Variants in STK40 observed in about 807,000 individuals in gnomAD.
STK40 encodes serine/threonine-protein kinase 40.
In STK40, 13 loss-of-function variants were observed where a neutral mutation model predicts 47.9. The ratio of observed to expected loss-of-function variants is 0.27; its 90% CI spans 0.18 to 0.43. The LOEUF (loss-of-function observed/expected upper bound fraction) is 0.43, where lower values mean the gene tolerates loss of function less well. Among genes scored for constraint, STK40 ranks in the 20% least tolerant of loss-of-function variants. The probability of loss-of-function intolerance (pLI) is 1.00; values close to 1 mark genes in which losing one functional copy is unlikely to be tolerated. For synonymous variants in STK40, 225 were observed against 243.2 expected, an observed-to-expected ratio of 0.93 and a Z score of 0.69; for missense variants, 460 against 595.1, an observed-to-expected ratio of 0.77 and a Z score of 2.36.
intron 4 of STK40, among the ~76,000 whole-genome samples, chr1:36,357,980 A>C (rs939540559): frequency 6.6e-6 from 1 of 152,204 alleles, no homozygotes; most frequent in Non-Finnish European, 1.5e-5. Context: ...CTCTTCAAAG[A>C]AAGCCTGGCT....
chr1:36,368,287 T>A (rs185795296), intron 1 of STK40, among the ~76,000 whole-genome samples: 2,281 of 151,338 alleles, frequency 0.015, 62 homozygotes, highest in African/African-American at 0.053. Context: ...ATATATATTT[T>A]TTTTCGAGAC....
At chr1:36,361,128 T>A in intron 2 of STK40, 93 bp downstream of exon 2, 1 of 1,487,040 alleles carries the variant, frequency 6.7e-7, no homozygotes, top group Middle Eastern at 1.9e-4. Context: ...GTGGGCCACC[T>A]CACTCTGATG....
chr1:36,354,765 G>GC (rs1646787640), intron 5 of STK40, among the ~76,000 whole-genome samples: 1 of 152,114 alleles, frequency 6.6e-6, no homozygotes, highest in African/African-American at 2.4e-5. Flanking sequence ...AGCTGTCATG[G>GC]CTTTGTGACT....
chr1:36,377,000 T>C (rs2124751668), intron 1 of STK40, among the ~76,000 whole-genome samples: 1 of 151,874 alleles, frequency 6.6e-6, no homozygotes, highest in Middle Eastern at 3.4e-3. Context: ...CTTGAACTCC[T>C]AACCTCATGA....
At chr1:36,344,876 AG>A (rs1241678761) in intron 7 of STK40, among the ~76,000 whole-genome samples, 2 of 152,276 alleles carry the variant, frequency 1.3e-5, no homozygotes, top group Non-Finnish European at 2.9e-5. Context: ...GAAAAGGAGC[AG>A]GCATCTAACG....
At chr1:36,384,340 T>C (rs1424393509) in intron 1 of STK40, among the ~76,000 whole-genome samples, 1 of 152,178 alleles carries the variant, frequency 6.6e-6, no homozygotes, top group African/African-American at 2.4e-5. Flanking sequence ...ACTACTAGCT[T>C]CTTTAGACCA....
chr1:36,357,659 C>T (rs1447874023), intron 4 of STK40, among the ~76,000 whole-genome samples: 2 of 152,314 alleles, frequency 1.3e-5, no homozygotes, highest in South Asian at 2.1e-4. Context: ...CTCTGTCACC[C>T]AGGCTGGAGT....
chr1:36,355,052 A>G (rs1185637994), intron 5 of STK40, among the ~76,000 whole-genome samples, 154 bp downstream of exon 5: 1 of 151,974 alleles, frequency 6.6e-6, no homozygotes, highest in Non-Finnish European at 1.5e-5. Flanking sequence ...ACTGTGCCTC[A>G]CCCTGTGCAC....
chr1:36,349,709 A>G (rs1646733543), intron 6 of STK40, among the ~76,000 whole-genome samples: 1 of 147,642 alleles, frequency 6.8e-6, no homozygotes, highest in Non-Finnish European at 1.5e-5. Flanking sequence ...GAGAAAACTC[A>G]CATGTGGACA....
chr1:36,350,220 T>TGAA (rs1646739072), intron 6 of STK40, among the ~76,000 whole-genome samples: 1 of 152,088 alleles, frequency 6.6e-6, no homozygotes, highest in Non-Finnish European at 1.5e-5. Flanking sequence ...ATCGCACAGG[T>TGAA]GAAGGGTCAC....
chr1:36,358,785 C>T lies in STK40; in HGVS notation c.150G>A (p.Val50=). 2 of 1,614,226 alleles carry T rather than the reference C, an allele frequency of 1.2e-6. No homozygotes were observed. Among genetic ancestry groups the T allele is most frequent in the Non-Finnish European group, 1.7e-6 (2 of 1,180,040 alleles). The change falls in exon 3 of 11, where the codon GTG becomes GTA. Residue 50 remains valine (V), a synonymous_variant. Coordinates refer to ENST00000373132, the MANE Select transcript of STK40 (RefSeq NM_001282547.2). Reference sequence around the variant, plus strand: ...TGCCATCTTTCCTCGCCAAACACTGCACTATGCTTGGCACCGGTGAGTTGC... The same window carrying T: ...TGCCATCTTTCCTCGCCAAACACTGTACTATGCTTGGCACCGGTGAGTTGC... ...RLGNSPVPSI[V]QCLARKDGTD... is the part of the protein sequence containing the mutation.
intron 1 of STK40, among the ~76,000 whole-genome samples, chr1:36,384,299 G>A (rs570225652): frequency 1.7e-4 from 26 of 152,258 alleles, no homozygotes; most frequent in Non-Finnish European, 3.4e-4. Flanking sequence ...CAAAGTGTTG[G>A]GATTACAGGC....
intron 1 of STK40, among the ~76,000 whole-genome samples, chr1:36,371,724 G>A (rs1490921541): frequency 2.7e-5 from 4 of 146,284 alleles, no homozygotes; most frequent in South Asian, 2.2e-4. Context: ...GACTGCGTGC[G>A]GTGGCTCAAA....
chr1:36,364,195 ACTTAT>A lies in STK40; in HGVS notation c.-8-2860_-8-2856del, dbSNP rs1646881788. On this transcript the variant is annotated intron_variant, in intron 1 of 10. Transcript: ENST00000373132. The stretch of plus-strand genomic sequence containing the variant: ...ACAACAAAAATATACATCTTGTCAT[ACTTAT>A]CTGTCTCCCTCTGGATAAATTCCAA... 2.6e-5 allele frequency among the ~76,000 whole-genome samples: 4 copies of A among 152,320 alleles called. No homozygotes were observed. The South Asian group carries it at 8.3e-4, about 32-fold the overall frequency.
At position 36,340,388 on chromosome 1, in the gene STK40, A is replaced by C. The variant is rs1646634514; in HGVS notation, c.*1367T>G. On this transcript the variant is annotated 3_prime_UTR_variant, in exon 11 of 11. Transcript: ENST00000373132. ...CTTTTTAGGGGGAGGAGAGCGGCTCACACTCTGGGAAACACAGTCACCTCC... is the reference window on the plus strand; with the variant it reads ...CTTTTTAGGGGGAGGAGAGCGGCTCCCACTCTGGGAAACACAGTCACCTCC... 1 of 152,638 alleles carries C rather than the reference A, an allele frequency of 6.6e-6. No individual in the cohort carries two copies. Among genetic ancestry groups the C allele is most frequent in the South Asian group, 2.1e-4 (1 of 4,834 alleles). The allele number at this position is 152,638 out of a possible 1,614,324, so 9.5% of individuals were successfully genotyped here.
At chr1:36,363,385 C>G (rs748496951) in intron 1 of STK40, among the ~76,000 whole-genome samples, 1 of 152,052 alleles carries the variant, frequency 6.6e-6, no homozygotes, top group Non-Finnish European at 1.5e-5. Flanking sequence ...AACAAAAACC[C>G]ATTAACATCC....
intron 1 of STK40, 135 bp downstream of exon 1, chr1:36,385,588 A>G (rs961764947): frequency 6.6e-6 from 1 of 152,274 alleles, no homozygotes; most frequent in Non-Finnish European, 1.5e-5. Flanking sequence ...AGGAGGGGGC[A>G]TTCGCCGGGG....
intron 7 of STK40, among the ~76,000 whole-genome samples, chr1:36,345,285 C>G (rs906764992): frequency 6.6e-6 from 1 of 152,358 alleles, no homozygotes; most frequent in Admixed American, 6.5e-5. Flanking sequence ...CCCTGGGCAA[C>G]CAGGGCCCAG....
chr1:36,369,140 CTG>C (rs1292873876), intron 1 of STK40, among the ~76,000 whole-genome samples: 3 of 152,198 alleles, frequency 2.0e-5, no homozygotes, highest in Middle Eastern at 3.2e-3. Context: ...CTCTTCAACA[CTG>C]TGCTATTATC....
Sources: allele counts gnomAD v4.1 joint callset (sites outside exome capture counted in the v4.1 genomes callset), GRCh38; gene constraint gnomAD v4.1.1; transcripts MANE v1.5; gene names NCBI Gene and HGNC (gene_info 2026-07-23, HGNC 2026-07-21).